The following KRT23 variants were observed in gnomAD, a reference collection of about 807,000 sequenced individuals.
The protein encoded by KRT23 is keratin 23.
A neutral mutation model predicts 47.6 loss-of-function variants in KRT23; 38 were observed. That is an observed-to-expected ratio of 0.80 (90% CI 0.62 to 1.05). The LOEUF is 1.05. KRT23 is among the 50% of genes least tolerant of loss of function. KRT23 has a pLI of 0.00. For missense variants in KRT23, 503 were observed against 529.5 expected, an observed-to-expected ratio of 0.95 and a Z score of 0.49; for synonymous variants, 191 against 199.0, an observed-to-expected ratio of 0.96 and a Z score of 0.34.
intron 2 of KRT23, among the ~76,000 whole-genome samples, chr17:40,934,223 T>A (rs1160255859): frequency 6.6e-6 from 1 of 152,174 alleles, no homozygotes; most frequent in Non-Finnish European, 1.5e-5. Flanking sequence ...GCACCTCTGT[T>A]TTCTCATCTT....
chr17:40,925,712 A>C, intron 6 of KRT23, 138 bp from the exon 7 acceptor site: 1 of 672,514 alleles, frequency 1.5e-6, no homozygotes, highest in South Asian at 1.8e-5. Flanking sequence ...GATGAGAAGT[A>C]GGCTGACTTA....
In KRT23 at chr17:40,922,845, T is replaced by A; in HGVS notation, c.*144A>T. On this transcript the variant is annotated 3_prime_UTR_variant, in exon 9 of 9. Transcript: ENST00000209718. ...ATTAAGAGCATTATGAGAAGTCTGG[T>A]GAGACTGTTACAGAAAAAAAAAATA... is the stretch of plus-strand genomic sequence containing the variant. 5 of 616,844 alleles carry A rather than the reference T, an allele frequency of 8.1e-6. No individual in the cohort carries two copies. Among genetic ancestry groups the A allele is most frequent in the South Asian group, 8.1e-5 (4 of 49,410 alleles). The allele number at this position is 616,844 out of a possible 1,614,324, so 38.2% of individuals were successfully genotyped here.
At chr17:40,924,553 TAAC>T (rs774306528) in intron 7 of KRT23, 50 bp from the exon 8 acceptor site, 42 of 1,445,454 alleles carry the variant, frequency 2.9e-5, no homozygotes, top group Non-Finnish European at 3.9e-5. Flanking sequence ...GCAACAATCA[TAAC>T]AACTTCTCAG....
At chr17:40,928,397 G>T (rs116713622) in intron 5 of KRT23, 37 bp from the exon 6 acceptor site, 29 of 1,613,964 alleles carry the variant, frequency 1.8e-5, no homozygotes, top group Non-Finnish European at 2.4e-5. Context: ...TCAGCATTGG[G>T]ACCTCATGGA....
intron 7 of KRT23, 61 bp from the exon 8 acceptor site, chr17:40,924,564 C>T: frequency 7.6e-7 from 1 of 1,317,162 alleles, no homozygotes; most frequent in Non-Finnish European, 1.1e-6. Flanking sequence ...AACAACTTCT[C>T]AGGATGAACT....
intron 2 of KRT23, among the ~76,000 whole-genome samples, chr17:40,932,931 T>C (rs542657941): frequency 1.3e-5 from 2 of 152,328 alleles, no homozygotes; most frequent in African/African-American, 4.8e-5. Context: ...TGAGCTTGGC[T>C]GAGTCTCAGT....
chr17:40,930,050 C>A lies in KRT23; in HGVS notation c.526G>T (p.Glu176Ter). Residue 176 changes from glutamate to a stop codon, truncating the protein, a stop_gained, in exon 4 of 9, where the codon GAG becomes TAG. Coordinates refer to ENST00000209718, the MANE Select transcript of KRT23 (RefSeq NM_015515.5). LOFTEE classifies it high-confidence loss of function. ...SFKKDLEIEV[E>*]GLRRTLDNLT... ...TTGTCTAAGGTCCTTCGGAGGCCCT[C>A]GACTTCAATTTCCAAGTCTTTCTTA... The A allele has an allele frequency of 6.2e-7, 1 of 1,614,066 alleles. No homozygotes were observed. The highest frequency in any genetic ancestry group is 8.5e-7 in the Non-Finnish European group (1 of 1,179,972).
At chr17:40,928,825 A>G in intron 4 of KRT23, 1 of 511,704 alleles carries the variant, frequency 2.0e-6, no homozygotes, top group Non-Finnish European at 3.4e-6. Flanking sequence ...AATATCTTTG[A>G]GACCAACCTG....
chr17:40,925,020 G>A, intron 7 of KRT23: 1 of 345,506 alleles, frequency 2.9e-6, no homozygotes, highest in Non-Finnish European at 5.2e-6. Context: ...TCTTTTGCTG[G>A]TGGACTAACA....
At chr17:40,931,630 C>G (rs1469141625) in intron 2 of KRT23, among the ~76,000 whole-genome samples, 175 bp from the exon 3 acceptor site, 1 of 152,204 alleles carries the variant, frequency 6.6e-6, no homozygotes, top group South Asian at 2.1e-4. Flanking sequence ...TGAGCACATA[C>G]TAGGTGCAAA....
Position 40,936,265 on chromosome 17 carries a change from A to G in KRT23, c.339T>C (p.Pro113=), listed in dbSNP as rs555019557. The G allele has an allele frequency of 1.2e-6, 2 of 1,614,208 alleles. No homozygotes were observed. Among genetic ancestry groups the G allele is most frequent in the Admixed American group, 3.3e-5 (2 of 60,022 alleles). ...ACTGGGAATAATCTTTCTTACTGCCAGGATCTCTCTGCTGGTGCCATTTCA... is the reference window on the plus strand; with the variant it reads ...ACTGGGAATAATCTTTCTTACTGCCGGGATCTCTCTGCTGGTGCCATTTCA... ...RILKWHQQRD[P]GSKKDYSQYE... The change falls in exon 2 of 9, where the codon CCT becomes CCC. Residue 113 remains proline (P), a synonymous_variant. Transcript: ENST00000209718.
At position 40,931,434 on chromosome 17, in the gene KRT23, T is replaced by C; in HGVS notation, c.418A>G (p.Asn140Asp). The change falls in exon 3 of 9, where the codon AAT becomes GAT. Residue 140 changes from asparagine (N) to aspartate (D), a missense_variant. Transcript: ENST00000209718. ...QEQIVDGKMT[N>D]AQIILLIDNA... is the part of the protein sequence containing the mutation. Reference sequence around the variant, plus strand: ...TCAATGAGAAGAATAATCTGAGCATTGGTCATCTTACCATCCACTATCTGT... The same window carrying C: ...TCAATGAGAAGAATAATCTGAGCATCGGTCATCTTACCATCCACTATCTGT... 1 of 1,613,830 alleles carries C rather than the reference T, an allele frequency of 6.2e-7. No homozygotes were observed. The highest frequency in any genetic ancestry group is 8.5e-7 in the Non-Finnish European group (1 of 1,179,674).
At chr17:40,924,377 T>C (rs1909096032) in intron 8 of KRT23, 95 bp downstream of exon 8, 1 of 962,054 alleles carries the variant, frequency 1.0e-6, no homozygotes, top group Non-Finnish European at 1.6e-6. Context: ...ACCCAGGACA[T>C]TTGGGAGTAC....
In KRT23 at chr17:40,922,781, C is replaced by T. The variant is rs1909001004; in HGVS notation, c.*208G>A. ...GCTGCAGTAGGAAAGTAGAGCTTTACCCTCATAAACTCGCACTTTGATTAG... is the reference window on the plus strand; with the variant it reads ...GCTGCAGTAGGAAAGTAGAGCTTTATCCTCATAAACTCGCACTTTGATTAG... On this transcript the variant is annotated 3_prime_UTR_variant, in exon 9 of 9. Coordinates refer to ENST00000209718, the MANE Select transcript of KRT23 (RefSeq NM_015515.5). The T allele has an allele frequency of 4.3e-6, 2 of 462,966 alleles. No homozygotes were observed. The highest frequency in any genetic ancestry group is 6.3e-5 in the South Asian group (2 of 31,674). 28.7% of individuals were successfully genotyped at this position (462,966 alleles called of 1,614,324 possible).
chr17:40,932,618 A>C (rs1281646057), intron 2 of KRT23, among the ~76,000 whole-genome samples: 1 of 152,226 alleles, frequency 6.6e-6, no homozygotes, highest in Admixed American at 6.5e-5. Context: ...AGAGGACCTT[A>C]GAGGTCTTAG....
chr17:40,936,169 C>T, intron 2 of KRT23, 39 bp downstream of exon 2: 2 of 1,610,908 alleles, frequency 1.2e-6, no homozygotes, highest in Non-Finnish European at 1.7e-6. Flanking sequence ...CCTGGCAAAG[C>T]AGCCCCATCT....
intron 8 of KRT23, 115 bp from the exon 9 acceptor site, chr17:40,923,198 T>C (rs1326683709): frequency 4.1e-6 from 3 of 739,530 alleles, no homozygotes; most frequent in Non-Finnish European, 6.9e-6. Context: ...TTCCAAATGA[T>C]CACTAAGCAA....
At chr17:40,927,314 A>G (rs1223618401) in intron 6 of KRT23, among the ~76,000 whole-genome samples, 1 of 152,230 alleles carries the variant, frequency 6.6e-6, no homozygotes, top group Admixed American at 6.5e-5. Context: ...AAATGGGTAT[A>G]CATGCCTCGC....
At chr17:40,935,510 C>A (rs1909998598) in intron 2 of KRT23, among the ~76,000 whole-genome samples, 3 of 152,008 alleles carry the variant, frequency 2.0e-5, no homozygotes, top group Admixed American at 2.0e-4. Flanking sequence ...TTTTTTTGAA[C>A]AAGGTCTTTA....
Sources: gnomAD v4.1 joint callset for allele counts (sites outside exome capture counted in the v4.1 genomes callset) on GRCh38, gnomAD v4.1.1 for gene constraint, MANE v1.5 for transcripts, NCBI Gene and HGNC (gene_info 2026-07-23, HGNC 2026-07-21) for gene names.